The following KCNIP1 variants were observed in gnomAD, a reference collection of about 807,000 sequenced individuals.
KCNIP1 encodes potassium voltage-gated channel interacting protein 1.
Under a neutral mutation model 33.0 loss-of-function variants are expected in KCNIP1, and 18 were observed. The ratio of observed to expected loss-of-function variants is 0.55; its 90% confidence interval spans 0.38 to 0.81. The LOEUF (loss-of-function observed/expected upper bound fraction) is 0.81, where lower values mean the gene tolerates loss of function less well. Ranked by LOEUF, KCNIP1 falls within the 30% of genes least tolerant of loss-of-function variation. KCNIP1 has a pLI of 0.00. For synonymous variants in KCNIP1, 93 were observed against 98.3 expected (o/e 0.95, Z 0.32); for missense variants, 238 against 271.6 (o/e 0.88, Z 0.87).
At chr5:170,591,737 C>T (rs1396464157) in intron 1 of KCNIP1, among the ~76,000 whole-genome samples, 1 of 152,202 alleles carries the variant, frequency 6.6e-6, no homozygotes, top group Non-Finnish European at 1.5e-5. Context: ...GCATAATGTC[C>T]TCAGACTTTA....
intron 1 of KCNIP1, among the ~76,000 whole-genome samples, chr5:170,394,379 G>T (rs62392743): frequency 0.12 from 17,911 of 152,110 alleles, 1,341 homozygotes; most frequent in Non-Finnish European, 0.17. Flanking sequence ...CTAAAATCAG[G>T]GACTGGAACC....
At chr5:170,592,701 T>C (rs1484350923) in intron 1 of KCNIP1, among the ~76,000 whole-genome samples, 1 of 152,210 alleles carries the variant, frequency 6.6e-6, no homozygotes, top group African/African-American at 2.4e-5. Flanking sequence ...GGTGACTTGA[T>C]CACTTGAGTT....
intron 1 of KCNIP1, among the ~76,000 whole-genome samples, chr5:170,440,010 A>G (rs1755952735): frequency 6.6e-6 from 1 of 152,218 alleles, no homozygotes; most frequent in Non-Finnish European, 1.5e-5. Flanking sequence ...CTGTTCTTGG[A>G]GACAGGGCCT....
At chr5:170,668,189 G>A (rs572043417) in intron 1 of KCNIP1, among the ~76,000 whole-genome samples, 7 of 152,346 alleles carry the variant, frequency 4.6e-5, no homozygotes, top group East Asian at 1.9e-4. Flanking sequence ...TGGAGCTGAT[G>A]GGCAAGCCAC....
intron 1 of KCNIP1, among the ~76,000 whole-genome samples, chr5:170,634,797 A>C (rs1464193175): frequency 1.3e-5 from 2 of 152,190 alleles, no homozygotes; most frequent in African/African-American, 4.8e-5. Flanking sequence ...TACATTTTGC[A>C]ATTTGTTTAT....
chr5:170,448,768 T>C (rs1255037635), intron 1 of KCNIP1, among the ~76,000 whole-genome samples: 3 of 152,242 alleles, frequency 2.0e-5, no homozygotes, highest in Non-Finnish European at 4.4e-5. Flanking sequence ...CAGTGATTTA[T>C]AACTGTTCAA....
intron 1 of KCNIP1, among the ~76,000 whole-genome samples, chr5:170,553,939 G>T (rs554252388): frequency 6.6e-6 from 1 of 152,300 alleles, no homozygotes; most frequent in African/African-American, 2.4e-5. Context: ...GCACATACAG[G>T]TGGACAAGGC....
intron 1 of KCNIP1, among the ~76,000 whole-genome samples, chr5:170,663,330 A>G (rs1761570253): frequency 1.3e-5 from 2 of 152,142 alleles, no homozygotes; most frequent in African/African-American, 2.4e-5. Flanking sequence ...CCGGAGTCCC[A>G]TAGACAGAGG....
At chr5:170,465,785 G>C (rs1471350935) in intron 1 of KCNIP1, among the ~76,000 whole-genome samples, 1 of 152,188 alleles carries the variant, frequency 6.6e-6, no homozygotes, top group African/African-American at 2.4e-5. Context: ...AGTTAAGCAG[G>C]TGTTGGGGGA....
rs529927292 is a variant in KCNIP1 at position 170,647,939 on chromosome 5, T to C, written c.62-70819T>C. ...CTCTTAAAAATCAATAATTAGAAAATTAAAAATCTGATTCAAAAATAAGCA... is the reference window on the plus strand; with the variant it reads ...CTCTTAAAAATCAATAATTAGAAAACTAAAAATCTGATTCAAAAATAAGCA... On this transcript the variant is annotated intron_variant, in intron 1 of 7. Transcript: ENST00000328939. Among the ~76,000 whole-genome samples, 10 of 152,084 alleles carry C rather than the reference T, an allele frequency of 6.6e-5. No individual in the cohort carries two copies. In the South Asian group the frequency reaches 1.9e-3, roughly 28 times the overall value.
intron 1 of KCNIP1, among the ~76,000 whole-genome samples, chr5:170,616,319 GCA>G (rs11470945): frequency 0.99 from 151,376 of 152,296 alleles, 75,239 homozygotes; most frequent in Middle Eastern, 1. Flanking sequence ...CCTGGGCCAG[GCA>G]CACTGAGGTG....
intron 1 of KCNIP1, among the ~76,000 whole-genome samples, chr5:170,580,664 G>A (rs1044797280): frequency 3.3e-5 from 5 of 152,194 alleles, no homozygotes; most frequent in Non-Finnish European, 5.9e-5. Flanking sequence ...ATAGAGGAAG[G>A]ACTGGAGGAT....
intron 1 of KCNIP1, among the ~76,000 whole-genome samples, chr5:170,544,689 GCTT>G (rs758681077): frequency 8.5e-4 from 124 of 145,094 alleles, no homozygotes; most frequent in African/African-American, 3.1e-3. Flanking sequence ...CCTTATATTG[GCTT>G]CTTGTTTCAC....
intron 1 of KCNIP1, among the ~76,000 whole-genome samples, chr5:170,534,797 C>G (rs1755914811): frequency 6.6e-6 from 1 of 151,846 alleles, no homozygotes; most frequent in South Asian, 2.1e-4. Flanking sequence ...GCTGGGATTA[C>G]CAGCATGAGC....
intron 1 of KCNIP1, among the ~76,000 whole-genome samples, chr5:170,703,717 A>C (rs923437345): frequency 7.2e-6 from 1 of 138,106 alleles, no homozygotes; most frequent in African/African-American, 2.7e-5. Context: ...TTACCCGCTA[A>C]ATTAGCCAAA....
At chr5:170,462,101 A>G (rs1046681409) in intron 1 of KCNIP1, among the ~76,000 whole-genome samples, 2 of 152,276 alleles carry the variant, frequency 1.3e-5, no homozygotes, top group East Asian at 3.9e-4. Context: ...ATAAAAACAA[A>G]GATAAATAGC....
At chr5:170,411,609 T>C (rs977448667) in intron 1 of KCNIP1, among the ~76,000 whole-genome samples, 3 of 149,752 alleles carry the variant, frequency 2.0e-5, no homozygotes, top group African/African-American at 7.4e-5. Flanking sequence ...ACATTTTTTT[T>C]CTTTTTTGAG....
chr5:170,722,829 G>C lies in KCNIP1; in HGVS notation c.435+9G>C. ...GATACATAAACAAAGAGGTAAGTGAGCTGGGGCCAGGGGTGTGAGAGGGCT... is the reference window on the plus strand; with the variant it reads ...GATACATAAACAAAGAGGTAAGTGACCTGGGGCCAGGGGTGTGAGAGGGCT... On this transcript the variant is annotated intron_variant, in intron 5 of 7. Transcript: ENST00000328939. 6 of 1,578,540 alleles carry C rather than the reference G, an allele frequency of 3.8e-6. No homozygotes were observed. Among genetic ancestry groups the C allele is most frequent in the Non-Finnish European group, 5.2e-6 (6 of 1,147,854 alleles).
At position 170,669,659 on chromosome 5, in the gene KCNIP1, G is replaced by C. The variant is rs184608375; in HGVS notation, c.62-49099G>C. 95 of 985,310 alleles carry C rather than the reference G, an allele frequency of 9.6e-5. 1 individual carries two copies. The Admixed American group carries it at 5.3e-3, about 55-fold the overall frequency. 61.0% of individuals were successfully genotyped at this position (985,310 alleles called of 1,614,324 possible). A position where few individuals can be genotyped will look rare whatever the true frequency, so the allele number is the denominator to read the frequency against. On this transcript the variant is annotated intron_variant, in intron 1 of 7. Transcript: ENST00000328939. ...CTATCTCGGACTTCGGAGAGTTCCT[G>C]GGTATGAAGGTTTGGCTTTAATTAA...
Sources: gnomAD v4.1 joint callset for allele counts (sites outside exome capture counted in the v4.1 genomes callset) on GRCh38, gnomAD v4.1.1 for gene constraint, MANE v1.5 for transcripts, NCBI Gene and HGNC (gene_info 2026-07-23, HGNC 2026-07-21) for gene names.